Variants in ZNG1A observed in about 807,000 individuals in gnomAD.
ZNG1A encodes the protein zinc-regulated GTPase metalloprotein activator 1A.
At chr9:131,917 T>G in the ZNG1A span, among the ~76,000 whole-genome samples, 17 of 139,906 alleles carry the variant, frequency 1.2e-4, no homozygotes, top group Non-Finnish European at 2.3e-4. Context: ...GTACCAACTC[T>G]CCACTAAGAC....
At chr9:141,143 C>T in the ZNG1A span, among the ~76,000 whole-genome samples, 1 of 129,302 alleles carries the variant, frequency 7.7e-6, no homozygotes, top group Admixed American at 8.7e-5. Flanking sequence ...GAGAACTTCC[C>T]CAATCTAGCA....
chr9:176,831 A>C, the ZNG1A span, among the ~76,000 whole-genome samples: 5 of 150,322 alleles, frequency 3.3e-5, no homozygotes, highest in African/African-American at 1.2e-4. Context: ...GGGCTTTTTA[A>C]CCATATTATG....
At chr9:162,407 C>G in the ZNG1A span, 1 of 1,457,224 alleles carries the variant, frequency 6.9e-7, no homozygotes. Context: ...AATAATGACC[C>G]ACTCATAGCA....
At chr9:170,355 ATGTGTGTG>A in the ZNG1A span, among the ~76,000 whole-genome samples, 4 of 145,194 alleles carry the variant, frequency 2.8e-5, no homozygotes, top group South Asian at 2.2e-4. Context: ...GTGTGTATGA[ATGTGTGTG>A]TGTGTGTGTG....
chr9:132,250 A>C, the ZNG1A span, among the ~76,000 whole-genome samples: 5 of 149,296 alleles, frequency 3.3e-5, no homozygotes, highest in African/African-American at 1.3e-4. Flanking sequence ...GAGGCCGGGC[A>C]CAGTGGCTCA....
At chr9:163,218 T>C in the ZNG1A span, among the ~76,000 whole-genome samples, 1 of 152,102 alleles carries the variant, frequency 6.6e-6, no homozygotes, top group Non-Finnish European at 1.5e-5. Context: ...AAGTTTCTAA[T>C]ATATTTTAAA....
At chr9:173,403 T>C in the ZNG1A span, 36 of 1,604,542 alleles carry the variant, frequency 2.2e-5, 1 homozygote, top group Non-Finnish European at 3.1e-5. Context: ...TTAGCTTATG[T>C]CCATTAGCCA....
At chr9:162,370 C>T in the ZNG1A span, 1 of 1,344,508 alleles carries the variant, frequency 7.4e-7, no homozygotes. Flanking sequence ...GAAAATTAAA[C>T]AATCAATCCC....
the ZNG1A span, chr9:154,397 C>T: frequency 2.2e-6 from 1 of 457,512 alleles, no homozygotes; most frequent in Non-Finnish European, 3.8e-6. Context: ...GTGAATTAAC[C>T]ATCCTGGGTA....
chr9:156,084 G>A, the ZNG1A span, among the ~76,000 whole-genome samples: 1 of 150,368 alleles, frequency 6.7e-6, no homozygotes, highest in African/African-American at 2.4e-5. Flanking sequence ...AGGTTGCAGT[G>A]AGCCTGCACT....
the ZNG1A span, among the ~76,000 whole-genome samples, chr9:133,820 A>G: frequency 6.6e-6 from 1 of 151,682 alleles, no homozygotes; most frequent in Non-Finnish European, 1.5e-5. Flanking sequence ...AGCAATACAG[A>G]TTTTATACGT....
chr9:138,936 G>C, the ZNG1A span, among the ~76,000 whole-genome samples: 59 of 148,566 alleles, frequency 4.0e-4, no homozygotes, highest in African/African-American at 1.4e-3. Context: ...ATATATATAG[G>C]AATGGGAATT....
the ZNG1A span, among the ~76,000 whole-genome samples, chr9:140,198 C>A: frequency 6.6e-6 from 1 of 151,640 alleles, no homozygotes; most frequent in Admixed American, 6.6e-5. Context: ...GTAGGCTCCA[C>A]CTCTGGGGGC....
At chr9:129,250 T>C in the ZNG1A span, among the ~76,000 whole-genome samples, 1 of 152,154 alleles carries the variant, frequency 6.6e-6, no homozygotes, top group Non-Finnish European at 1.5e-5. Context: ...CCCAAAAACA[T>C]GAGATATTTA....
the ZNG1A span, among the ~76,000 whole-genome samples, chr9:126,991 A>G: frequency 1.3e-5 from 2 of 152,054 alleles, no homozygotes; most frequent in Non-Finnish European, 2.9e-5. Context: ...ATGGTTTTGA[A>G]GGTTCCTTTT....
the ZNG1A span, among the ~76,000 whole-genome samples, chr9:160,739 T>TAAA: frequency 2.4e-5 from 3 of 122,490 alleles, no homozygotes; most frequent in East Asian, 2.8e-4. Context: ...TCTATCAAAA[T>TAAA]AAAAAAAAAA....
At chr9:153,807 G>GA in the ZNG1A span, 3 of 149,300 alleles carry the variant, frequency 2.0e-5, no homozygotes, top group African/African-American at 7.4e-5. Flanking sequence ...GAACTGAGAT[G>GA]ACAGATTCAA....
chr9:162,285 C>T, the ZNG1A span: 3 of 714,302 alleles, frequency 4.2e-6, no homozygotes, highest in Admixed American at 3.3e-5. Context: ...AATTAAAACA[C>T]AAATTTCACC....
At chr9:171,345 A>AT in the ZNG1A span, among the ~76,000 whole-genome samples, 1 of 135,712 alleles carries the variant, frequency 7.4e-6, no homozygotes, top group Admixed American at 7.5e-5. Flanking sequence ...TCAAAAAAAA[A>AT]AATAATGGTA....
Sources: allele counts gnomAD v4.1 joint callset (sites outside exome capture counted in the v4.1 genomes callset), GRCh38; gene constraint gnomAD v4.1.1; transcripts MANE v1.5; gene names NCBI Gene and HGNC (gene_info 2026-07-23, HGNC 2026-07-21).